Variants in BLTP3A observed in about 807,000 individuals in gnomAD.
The protein encoded by BLTP3A is ICBP90 binding protein 1.
chr6:34,858,321 A>G, the BLTP3A span: 10 of 1,614,050 alleles, frequency 6.2e-6, no homozygotes, highest in Non-Finnish European at 8.5e-6. Flanking sequence ...CTAAGGTTCC[A>G]GGTGGCTTTA....
chr6:34,811,677 C>CG, the BLTP3A span, among the ~76,000 whole-genome samples: 4 of 110,648 alleles, frequency 3.6e-5, no homozygotes, highest in Non-Finnish European at 7.2e-5. Flanking sequence ...TGGTGAGACC[C>CG]CCCCCCCCGC....
At chr6:34,832,271 C>G in the BLTP3A span, among the ~76,000 whole-genome samples, 4 of 152,012 alleles carry the variant, frequency 2.6e-5, no homozygotes, top group African/African-American at 4.8e-5. Flanking sequence ...AAGGCATGCA[C>G]CACTGTATCT....
At chr6:34,859,627 A>G in the BLTP3A span, 2 of 1,591,312 alleles carry the variant, frequency 1.3e-6, no homozygotes, top group Non-Finnish European at 1.7e-6. Context: ...AGTTCTGATC[A>G]TTGGGTTTAA....
chr6:34,858,231 T>C, the BLTP3A span: 1 of 1,614,190 alleles, frequency 6.2e-7, no homozygotes, highest in South Asian at 1.1e-5. Context: ...ATGCTCCACA[T>C]TGTAGTTGTT....
chr6:34,860,813 CAAGT>C, the BLTP3A span, among the ~76,000 whole-genome samples: 1 of 151,976 alleles, frequency 6.6e-6, no homozygotes, highest in Non-Finnish European at 1.5e-5. Flanking sequence ...TAAATGGAGA[CAAGT>C]AAGGGAGATG....
the BLTP3A span, chr6:34,859,611 T>A: frequency 1.9e-6 from 3 of 1,601,768 alleles, no homozygotes; most frequent in Non-Finnish European, 2.6e-6. Context: ...CCCATCTCCT[T>A]CTCCTAGTTC....
the BLTP3A span, chr6:34,836,110 TC>T: frequency 1.3e-6 from 2 of 1,583,446 alleles, no homozygotes; most frequent in Non-Finnish European, 1.7e-6. Context: ...CTACAAAGGA[TC>T]TTTTCAGGGT....
At chr6:34,871,143 A>C in the BLTP3A span, 1 of 1,595,266 alleles carries the variant, frequency 6.3e-7, no homozygotes, top group Non-Finnish European at 8.5e-7. Context: ...GTTTTTGCCA[A>C]TGTAAGGGCA....
the BLTP3A span, among the ~76,000 whole-genome samples, chr6:34,835,140 T>C: frequency 6.6e-6 from 1 of 152,148 alleles, no homozygotes; most frequent in African/African-American, 2.4e-5. Flanking sequence ...AAGGAAACTT[T>C]AGTAGTTTTA....
At chr6:34,818,259 A>C in the BLTP3A span, among the ~76,000 whole-genome samples, 1 of 152,158 alleles carries the variant, frequency 6.6e-6, no homozygotes, top group Non-Finnish European at 1.5e-5. Flanking sequence ...GCTTCAACCC[A>C]GGAGTTTGAG....
the BLTP3A span, among the ~76,000 whole-genome samples, chr6:34,819,760 G>T: frequency 0.023 from 3,558 of 152,298 alleles, 74 homozygotes; most frequent in Non-Finnish European, 0.035. Context: ...TGGAGGGAAA[G>T]GGAAATGGAG....
At chr6:34,804,535 G>T in the BLTP3A span, among the ~76,000 whole-genome samples, 1 of 152,078 alleles carries the variant, frequency 6.6e-6, no homozygotes, top group East Asian at 1.9e-4. Context: ...AGAGGGAGCC[G>T]CATGAACAAT....
the BLTP3A span, among the ~76,000 whole-genome samples, chr6:34,809,863 T>C: frequency 6.6e-6 from 1 of 152,170 alleles, no homozygotes; most frequent in Non-Finnish European, 1.5e-5. Context: ...GCCTAAAAAC[T>C]TACTACTAAT....
the BLTP3A span, among the ~76,000 whole-genome samples, chr6:34,850,884 G>T: frequency 1.3e-5 from 2 of 152,102 alleles, no homozygotes; most frequent in African/African-American, 4.8e-5. Context: ...TTTTTGTAAA[G>T]ACGGGGTCTC....
At chr6:34,808,283 T>C in the BLTP3A span, among the ~76,000 whole-genome samples, 1 of 135,700 alleles carries the variant, frequency 7.4e-6, no homozygotes, top group South Asian at 2.2e-4. Flanking sequence ...GAGGCGGAGG[T>C]TGCAGTGAGT....
chr6:34,824,118 G>A, the BLTP3A span, among the ~76,000 whole-genome samples: 3 of 150,820 alleles, frequency 2.0e-5, no homozygotes, highest in Admixed American at 1.3e-4. Flanking sequence ...ATTTTTTGTA[G>A]TTTTGGTAGA....
chr6:34,824,176 T>C, the BLTP3A span, among the ~76,000 whole-genome samples: 1 of 152,072 alleles, frequency 6.6e-6, no homozygotes, highest in Non-Finnish European at 1.5e-5. Context: ...CACCTGCAAA[T>C]ACTTTCATAT....
the BLTP3A span, chr6:34,876,799 G>A: frequency 6.6e-6 from 1 of 152,162 alleles, no homozygotes; most frequent in African/African-American, 2.4e-5. Context: ...GTAGGTATAG[G>A]TAGTAGCTAT....
At chr6:34,834,470 A>T in the BLTP3A span, 1 of 1,586,158 alleles carries the variant, frequency 6.3e-7, no homozygotes, top group South Asian at 1.1e-5. Flanking sequence ...CTGATTCTTA[A>T]AGGATATTAT....
Sources: allele counts gnomAD v4.1 joint callset (sites outside exome capture counted in the v4.1 genomes callset), GRCh38; gene constraint gnomAD v4.1.1; transcripts MANE v1.5; gene names NCBI Gene and HGNC (gene_info 2026-07-23, HGNC 2026-07-21).